Variants in KRT24 observed in about 807,000 individuals in gnomAD.
The protein encoded by KRT24 is keratin 24.
A neutral mutation model predicts 51.7 loss-of-function variants in KRT24; 44 were observed. The observed-to-expected ratio is 0.85, with a 90% CI of 0.67 to 1.09. The LOEUF (loss-of-function observed/expected upper bound fraction) is 1.09, where lower values mean the gene tolerates loss of function less well. Among genes scored for constraint, KRT24 ranks in the 50% least tolerant of loss-of-function variants. The pLI is 0.00. For missense variants in KRT24, 633 were observed against 647.0 expected, an observed-to-expected ratio of 0.98 and a Z score of 0.24; for synonymous variants, 241 against 249.5, an observed-to-expected ratio of 0.97 and a Z score of 0.32.
chr17:40,698,255 A>G lies in KRT24; in HGVS notation c.1560T>C (p.Ser520=). The G allele has an allele frequency of 2.5e-6, 4 of 1,611,712 alleles. No individual in the cohort carries two copies. The highest frequency in any genetic ancestry group is 3.4e-6 in the Non-Finnish European group (4 of 1,178,022). ...KVVSSQVSSI[S]EVKVK is the part of the protein sequence containing the mutation. ...AAGTTCCTTATTTAACTTTCACCTC[A>G]GAAATACTGCTGACTTGAGACGAGA... The change falls in exon 8 of 8, where the codon TCT becomes TCC. Residue 520 remains serine, a synonymous_variant. Coordinates refer to ENST00000264651, the MANE Select transcript of KRT24 (RefSeq NM_019016.3).
Position 40,701,120 on chromosome 17 carries a change from T to C in KRT24, c.855+20A>G, listed in dbSNP as rs2037670769. On this transcript the variant is annotated intron_variant, in intron 3 of 7. Transcript: ENST00000264651. ...AATATGTTAGCTAGAGTTATTCGTT[T>C]ATGTAGAACATGTTCCTACCTCCTC... 6.2e-7 allele frequency: 1 copy of C among 1,610,648 alleles called. No homozygotes were observed. Among genetic ancestry groups the C allele is most frequent in the African/African-American group, 1.3e-5 (1 of 74,836 alleles).
chr17:40,701,752 T>C (rs2037682017), intron 2 of KRT24, 99 bp downstream of exon 2: 1 of 39,084 alleles, frequency 2.6e-5, no homozygotes, highest in Non-Finnish European at 5.3e-5. Flanking sequence ...TATATATATA[T>C]ATATATATAT....
chr17:40,698,459 G>T, intron 7 of KRT24, 79 bp downstream of exon 7: 1 of 1,098,128 alleles, frequency 9.1e-7, no homozygotes, highest in Non-Finnish European at 1.4e-6. Flanking sequence ...AAAAAATAGC[G>T]GACTCTTTTA....
Position 40,701,876 on chromosome 17 carries a change from A to G in KRT24, c.673T>C (p.Leu225=), listed in dbSNP as rs765980503. ...TTCAGTCTGAAGTCATCAGCAGCCA[A>G]TCTGGCATTGTCAATGTGCAAAATG... The part of the protein sequence containing the change: ...GIILHIDNAR[L]AADDFRLKYE... The change falls in exon 2 of 8, where the codon TTG becomes CTG. Residue 225 remains leucine, a synonymous_variant. Coordinates refer to ENST00000264651, the MANE Select transcript of KRT24 (RefSeq NM_019016.3). 9.4e-6 allele frequency: 14 copies of G among 1,490,628 alleles called. No homozygotes were observed. The highest frequency in any genetic ancestry group is 1.5e-5 in the African/African-American group (1 of 68,952). The allele number at this position is 1,490,628 out of a possible 1,614,324, so 92.3% of individuals were successfully genotyped here.
At chr17:40,702,811 T>C (rs913688050) in intron 1 of KRT24, among the ~76,000 whole-genome samples, 2 of 152,196 alleles carry the variant, frequency 1.3e-5, no homozygotes, top group Admixed American at 1.3e-4. Flanking sequence ...CTGCCACCAT[T>C]CTTATATATA....
intron 4 of KRT24, 48 bp downstream of exon 4, chr17:40,700,174 C>A (rs201880280): frequency 6.2e-7 from 1 of 1,613,852 alleles, no homozygotes; most frequent in South Asian, 1.1e-5. Context: ...GGAGCAGAAG[C>A]GGCTTGTGTG....
chr17:40,698,237 T>C lies in KRT24; in HGVS notation c.1578A>G (p.Ter526=), dbSNP rs769164677. The C allele has an allele frequency of 2.1e-5, 34 of 1,596,888 alleles. No homozygotes were observed. In the South Asian group the frequency reaches 3.3e-4, roughly 16 times the overall value. The change falls in exon 8 of 8, where the codon TAA becomes TAG. Residue 526 remains the stop codon, a stop_retained_variant. Coordinates refer to ENST00000264651, the MANE Select transcript of KRT24 (RefSeq NM_019016.3). The part of the protein sequence containing the change: ...VSSISEVKVK[*] ...ACACTTTTGTTGATCTGGAAGTTCC[T>C]TATTTAACTTTCACCTCAGAAATAC... is the stretch of plus-strand genomic sequence containing the variant.
At position 40,702,628 on chromosome 17, in the gene KRT24, C is replaced by T. The variant is rs116630272; in HGVS notation, c.615+451G>A. The stretch of plus-strand genomic sequence containing the variant: ...AAAAAGTCTTTAAAAATATATTTCC[C>T]ATACAAAAGTGGCTAAACATTTTAG... On this transcript the variant is annotated intron_variant, in intron 1 of 7. Transcript: ENST00000264651. Among the ~76,000 whole-genome samples the T allele has an allele frequency of 3.0e-3, 457 of 152,220 alleles. 3 individuals are homozygous for T. The highest frequency in any genetic ancestry group is 0.011 in the African/African-American group (439 of 41,544).
chr17:40,701,636 T>C (rs1201271317), intron 2 of KRT24, among the ~76,000 whole-genome samples: 1 of 149,184 alleles, frequency 6.7e-6, no homozygotes, highest in African/African-American at 2.5e-5. Flanking sequence ...GCAGAGAGGA[T>C]CTACCTGCCC....
chr17:40,701,788 T>C (rs1355222051), intron 2 of KRT24, 63 bp downstream of exon 2: 1 of 247,260 alleles, frequency 4.0e-6, no homozygotes, highest in Non-Finnish European at 7.7e-6. Flanking sequence ...TATTTATTTA[T>C]AAAATGGAAT....
intron 2 of KRT24, among the ~76,000 whole-genome samples, chr17:40,701,498 T>C (rs1266311195): frequency 6.6e-6 from 1 of 152,068 alleles, no homozygotes; most frequent in African/African-American, 2.4e-5. Flanking sequence ...GTCTAACATT[T>C]TTAATAATAA....
At chr17:40,698,367 G>A (rs759196114) in intron 7 of KRT24, 27 bp from the exon 8 acceptor site, 59 of 1,434,684 alleles carry the variant, frequency 4.1e-5, no homozygotes, top group Non-Finnish European at 5.5e-5. Flanking sequence ...TGCAATGTCA[G>A]TCTGGAAACT....
intron 5 of KRT24, 142 bp downstream of exon 5, chr17:40,699,856 A>C: frequency 8.3e-7 from 1 of 1,203,156 alleles, no homozygotes; most frequent in African/African-American, 1.5e-5. Context: ...CATTATCTTT[A>C]ACTTTTAATG....
At chr17:40,698,839 T>TC (rs1168212329) in intron 6 of KRT24, among the ~76,000 whole-genome samples, 189 bp from the exon 7 acceptor site, 1 of 151,450 alleles carries the variant, frequency 6.6e-6, no homozygotes, top group African/African-American at 2.4e-5. Flanking sequence ...CTCCCCAGTA[T>TC]CTGGGATTAT....
chr17:40,700,412 A>G lies in KRT24; in HGVS notation c.856-29T>C. The G allele has an allele frequency of 8.9e-6, 14 of 1,566,014 alleles. 1 individual carries two copies. The highest frequency in any genetic ancestry group is 1.1e-5 in the Non-Finnish European group (13 of 1,145,376). On this transcript the variant is annotated intron_variant, in intron 3 of 7. Transcript: ENST00000264651. ...GCATGAAGGAAAAAAGACTATCGTG[A>G]TGCAAACAGAAAAGTGATGACTTCC... is the stretch of plus-strand genomic sequence containing the variant.
chr17:40,702,166 G>C (rs1292964530), intron 1 of KRT24, among the ~76,000 whole-genome samples: 2 of 151,992 alleles, frequency 1.3e-5, no homozygotes, highest in African/African-American at 4.8e-5. Flanking sequence ...TGAGTAGCTG[G>C]GATTACAGGG....
chr17:40,702,857 A>C (rs1201813555), intron 1 of KRT24, among the ~76,000 whole-genome samples: 1 of 152,186 alleles, frequency 6.6e-6, no homozygotes, highest in Non-Finnish European at 1.5e-5. Flanking sequence ...TATAAGTTTT[A>C]CTGTTATGTA....
chr17:40,701,006 C>T, intron 3 of KRT24, 134 bp downstream of exon 3: 3 of 784,328 alleles, frequency 3.8e-6, no homozygotes, highest in South Asian at 1.8e-5. Flanking sequence ...CAAGGGATCC[C>T]CCTGCCTCGG....
At chr17:40,702,950 G>T in intron 1 of KRT24, 129 bp downstream of exon 1, 1 of 865,874 alleles carries the variant, frequency 1.2e-6, no homozygotes, top group Non-Finnish European at 1.7e-6. Flanking sequence ...GACACATCAG[G>T]TCCCACTTTG....
Sources: gnomAD v4.1 joint callset for allele counts (sites outside exome capture counted in the v4.1 genomes callset) on GRCh38, gnomAD v4.1.1 for gene constraint, MANE v1.5 for transcripts, NCBI Gene and HGNC (gene_info 2026-07-23, HGNC 2026-07-21) for gene names.